Variants in MDN1 observed in about 807,000 individuals in gnomAD.
MDN1 encodes the protein midasin.
Under a neutral mutation model 669.2 loss-of-function variants are expected in MDN1, and 266 were observed. The observed-to-expected ratio is 0.40, with a 90% CI of 0.36 to 0.44. The LOEUF (loss-of-function observed/expected upper bound fraction) is 0.44. Among genes scored for constraint, MDN1 ranks in the 20% least tolerant of loss-of-function variants. The pLI is 1.00. For synonymous variants in MDN1, 2,385 were observed against 2,457.1 expected (o/e 0.97, Z 0.87); for missense variants, 5,940 against 6,754.0 (o/e 0.88, Z 4.22).
Position 89,727,905 on chromosome 6 carries a change from T to A in MDN1, c.5400A>T (p.Gly1800=), listed in dbSNP as rs771933464. The A allele has an allele frequency of 6.2e-7, 1 of 1,613,942 alleles. No homozygotes were observed. The highest frequency in any genetic ancestry group is 1.1e-5 in the South Asian group (1 of 91,066). Residue 1800 remains glycine, a synonymous_variant, in exon 37 of 102, where the codon GGA becomes GGT. Transcript: ENST00000369393. ...GADLPVEGGK[G]GEFAWRDGPL... ...GGCCATCACGCCAGGCAAACTCTCC[T>A]CCCTTGCCACCTTCAACAGGTAGAT... is the stretch of plus-strand genomic sequence containing the variant.
chr6:89,747,805 C>T (rs138002450), intron 26 of MDN1, among the ~76,000 whole-genome samples: 14 of 149,500 alleles, frequency 9.4e-5, no homozygotes, highest in South Asian at 6.3e-4. Context: ...GGAGGAGAAC[C>T]GCATGAACCC....
chr6:89,757,287 A>C lies in MDN1; in HGVS notation c.2703-897T>G, dbSNP rs183618469. 1.1e-3 allele frequency among the ~76,000 whole-genome samples: 170 copies of C among 152,374 alleles called. 1 individual carries two copies. In the Middle Eastern group the frequency reaches 0.014, roughly 12 times the overall value. On this transcript the variant is annotated intron_variant, in intron 19 of 101. Coordinates refer to ENST00000369393, the MANE Select transcript of MDN1 (RefSeq NM_014611.3). ...AGTGCTTAGTGGCGAAAAATAAAAG[A>C]AACTTTAAAGGCCTTTTCAAATCAT...
chr6:89,790,529 A>G, intron 5 of MDN1, 128 bp from the exon 6 acceptor site: 1 of 1,127,958 alleles, frequency 8.9e-7, no homozygotes, highest in Non-Finnish European at 1.3e-6. Context: ...TACCAAAACT[A>G]TAATAACAAC....
At chr6:89,671,179 G>C in intron 82 of MDN1, 99 bp from the exon 83 acceptor site, 9 of 1,325,872 alleles carry the variant, frequency 6.8e-6, no homozygotes, top group Non-Finnish European at 9.3e-6. Flanking sequence ...ACAACATTGT[G>C]AATGTACTAA....
At chr6:89,736,185 C>T (rs549980302) in intron 33 of MDN1, among the ~76,000 whole-genome samples, 1 of 152,274 alleles carries the variant, frequency 6.6e-6, no homozygotes, top group South Asian at 2.1e-4. Context: ...ATTCACCATG[C>T]TCCCCTTCAA....
In MDN1 at chr6:89,700,294, T is replaced by C. The variant is rs753658447; in HGVS notation, c.8639A>G (p.Asp2880Gly). 4 of 1,612,102 alleles carry C rather than the reference T, an allele frequency of 2.5e-6. No individual in the cohort carries two copies. Among genetic ancestry groups the C allele is most frequent in the East Asian group, 2.2e-5 (1 of 44,872 alleles). Residue 2880 changes from aspartate to glycine, a missense_variant and splice_region_variant, in exon 57 of 102, where the codon GAT (aspartate) becomes GGT (glycine). Asp to Gly is a moderately conservative substitution (Grantham distance 94). This residue lies in a region of MDN1 where 2,292 missense variants were observed against 2,638.3 expected (regional missense o/e 0.87). Coordinates refer to ENST00000369393, the MANE Select transcript of MDN1 (RefSeq NM_014611.3). The stretch of plus-strand genomic sequence containing the variant: ...AGCATGCACAAAATTCTTCAATTCA[T>C]CTGGACAAAAAGACAAATGTTGTAT... ...RANILEDVSL[D>G]ELKNFVHAQC...
Position 89,730,795 on chromosome 6 carries a change from T to G in MDN1, c.5071A>C (p.Arg1691=), listed in dbSNP as rs530496059. ...CCAGTGAATTCTTTGGCCTTCATTC[T>G]GTCATAAATCTTCAACTCATTTTTC... ...YQKNELKIYD[R]MKAKEFTGID... Residue 1691 remains arginine (R), a synonymous_variant, in exon 35 of 102, where the codon AGA becomes CGA. Transcript: ENST00000369393. The G allele has an allele frequency of 1.3e-5, 21 of 1,614,132 alleles. 1 individual carries two copies. The South Asian group carries it at 2.2e-4, about 17-fold the overall frequency.
At chr6:89,664,713 G>C (rs1213513436) in intron 84 of MDN1, 85 bp from the exon 85 acceptor site, 14 of 1,080,326 alleles carry the variant, frequency 1.3e-5, no homozygotes, top group Admixed American at 2.6e-5. Flanking sequence ...AAGGTTAATG[G>C]TGTAAAAATA....
chr6:89,701,513 G>A, intron 55 of MDN1, 45 bp downstream of exon 55: 2 of 1,607,060 alleles, frequency 1.2e-6, no homozygotes, highest in African/African-American at 2.7e-5. Context: ...GACTTCAGAA[G>A]TAGTAGTCAC....
Position 89,714,660 on chromosome 6 carries a change from C to T in MDN1, c.6952G>A (p.Ala2318Thr). Residue 2318 changes from alanine to threonine, a missense_variant, in exon 46 of 102, where the codon GCA (alanine) becomes ACA (threonine). By Grantham distance (58) the Ala-to-Thr change is moderately conservative. This residue lies in a region of MDN1 where 2,292 missense variants were observed against 2,638.3 expected (regional missense o/e 0.87). Coordinates refer to ENST00000369393, the MANE Select transcript of MDN1 (RefSeq NM_014611.3). The stretch of plus-strand genomic sequence containing the variant: ...AAATCCAGGTTGTCTGGGGTGCTTG[C>T]ATCCCCTTCCCCTGAAATGTAGATT... ...LEIYISGEGD[A>T]STPDNLDLKV... 6.2e-7 allele frequency: 1 copy of T among 1,614,104 alleles called. No homozygotes were observed. The highest frequency in any genetic ancestry group is 8.5e-7 in the Non-Finnish European group (1 of 1,179,974).
At chr6:89,723,195 C>T (rs759732232) in intron 39 of MDN1, 52 bp from the exon 40 acceptor site, 1 of 1,533,324 alleles carries the variant, frequency 6.5e-7, no homozygotes, top group Admixed American at 1.7e-5. Context: ...CTACTAGGCA[C>T]TGCATTAAGT....
intron 59 of MDN1, among the ~76,000 whole-genome samples, chr6:89,698,166 A>C (rs534464107): frequency 2.6e-4 from 40 of 152,338 alleles, no homozygotes; most frequent in African/African-American, 7.5e-4. Context: ...ATCTTTAAAA[A>C]AGTGAAAAGC....
intron 8 of MDN1, among the ~76,000 whole-genome samples, chr6:89,787,077 GAA>G (rs35019952): frequency 6.9e-6 from 1 of 144,926 alleles, no homozygotes; most frequent in Non-Finnish European, 1.5e-5. Flanking sequence ...CCCATTTCAA[GAA>G]AAAAAAAAAA....
intron 74 of MDN1, among the ~76,000 whole-genome samples, chr6:89,680,035 G>T (rs1474979296): frequency 6.6e-6 from 1 of 152,216 alleles, no homozygotes; most frequent in African/African-American, 2.4e-5. Context: ...ACTGCAGTTG[G>T]GGGGTAGATG....
chr6:89,718,596 A>G lies in MDN1; in HGVS notation c.6353T>C (p.Leu2118Pro). ...VDLIRPWRRL[L>P]EKVEGTVRAL... Reference sequence around the variant, plus strand: ...CCTTACAGTTCCCTCCACCTTCTCTAGCAGCCTCCTCCAAGGTCGTATAAG... The same window carrying G: ...CCTTACAGTTCCCTCCACCTTCTCTGGCAGCCTCCTCCAAGGTCGTATAAG... Residue 2118 changes from leucine to proline, a missense_variant, in exon 43 of 102, where the codon CTA becomes CCA. Transcript: ENST00000369393. 6.2e-7 allele frequency: 1 copy of G among 1,614,072 alleles called. No individual in the cohort carries two copies. Among genetic ancestry groups the G allele is most frequent in the Non-Finnish European group, 8.5e-7 (1 of 1,179,972 alleles).
rs372896468 is a variant in MDN1 at position 89,686,982 on chromosome 6, G to C, written c.11492C>G (p.Thr3831Ser). 1.4e-5 allele frequency: 23 copies of C among 1,613,822 alleles called. No homozygotes were observed. The highest frequency in any genetic ancestry group is 1.9e-5 in the Non-Finnish European group (22 of 1,179,994). Residue 3831 changes from threonine (T) to serine (S), a missense_variant, in exon 69 of 102, where the codon ACC (threonine) becomes AGC (serine). This residue lies in a region of MDN1 where 2,280 missense variants were observed against 2,576.3 expected (regional missense o/e 0.88). Coordinates refer to ENST00000369393, the MANE Select transcript of MDN1 (RefSeq NM_014611.3). ...GAACCAGTGCTTGGTGGATTTCTCG[G>C]TGTGGCGCTTCATAGTATTATCCAA... ...MSLDNTMKRH[T>S]EKSTKHWFSI... is the part of the protein sequence containing the mutation.
At position 89,729,677 on chromosome 6, in the gene MDN1, G is replaced by GTTT. The variant is rs35914010; in HGVS notation, c.5141-541_5141-539dup. The stretch of plus-strand genomic sequence containing the variant: ...TGGAAGAAGTTTTTGTTTTGTTTTC[G>GTTT]TTTTTTTTTTTTTTTTTTTTTGTAC... On this transcript the variant is annotated intron_variant, in intron 35 of 101. Transcript: ENST00000369393. Among the ~76,000 whole-genome samples the GTTT allele has an allele frequency of 3.4e-3, 340 of 100,772 alleles. 3 individuals carry two copies. Among genetic ancestry groups the GTTT allele is most frequent in the Non-Finnish European group, 4.7e-3 (240 of 51,460 alleles). 66.1% of individuals were successfully genotyped at this position (100,772 alleles called of 152,430 possible).
chr6:89,787,413 G>A (rs992184569), intron 8 of MDN1, among the ~76,000 whole-genome samples: 1 of 151,974 alleles, frequency 6.6e-6, no homozygotes, highest in African/African-American at 2.4e-5. Flanking sequence ...TCACCATCAT[G>A]GCTAGCCATT....
At chr6:89,798,421 G>A (rs1819729789) in intron 2 of MDN1, among the ~76,000 whole-genome samples, 1 of 151,890 alleles carries the variant, frequency 6.6e-6, no homozygotes, top group African/African-American at 2.4e-5. Context: ...AGAATCACTT[G>A]AACCTGGGAG....
Sources: gnomAD v4.1 joint callset for allele counts (sites outside exome capture counted in the v4.1 genomes callset) on GRCh38, gnomAD v4.1.1 for gene constraint, gnomAD v4.1.1 regional missense constraint, MANE v1.5 for transcripts, NCBI Gene and HGNC (gene_info 2026-07-23, HGNC 2026-07-21) for gene names.